Variants in PACRGL observed in about 807,000 individuals in gnomAD.
PACRGL encodes parkin coregulated like, also known as PACRG-like protein.
PACRGL carries 38 observed loss-of-function variants against 34.5 expected under a neutral mutation model. That is an observed-to-expected ratio of 1.10 (90% CI 0.85 to 1.44). The LOEUF (loss-of-function observed/expected upper bound fraction) is 1.44. PACRGL is among the 40% of genes most tolerant of loss of function. The pLI, the probability that PACRGL is intolerant of heterozygous loss-of-function variation, is 0.00. For synonymous variants in PACRGL, 128 were observed against 100.1 expected (o/e 1.28, Z -1.66); for missense variants, 305 against 281.4 (o/e 1.08, Z -0.60).
intron 5 of PACRGL, among the ~76,000 whole-genome samples, chr4:20,711,936 T>C (rs1272706857): frequency 6.6e-6 from 1 of 152,160 alleles, no homozygotes; most frequent in Non-Finnish European, 1.5e-5. Context: ...TATAAAATAC[T>C]TAAATATGAA....
At chr4:20,743,839 C>T (rs1282889941) in intron 8 of PACRGL, among the ~76,000 whole-genome samples, 2 of 151,596 alleles carry the variant, frequency 1.3e-5, no homozygotes, top group African/African-American at 2.4e-5. Flanking sequence ...AGGCAACCTA[C>T]AAAATGGGAG....
intron 7 of PACRGL, 32 bp downstream of exon 7, chr4:20,713,571 CTG>C: frequency 2.7e-6 from 4 of 1,504,154 alleles, no homozygotes; most frequent in South Asian, 2.3e-5. Flanking sequence ...TAATGATTGA[CTG>C]TATGTATCAT....
At chr4:20,762,681 G>A in the PACRGL span, among the ~76,000 whole-genome samples, 2 of 152,324 alleles carry the variant, frequency 1.3e-5, no homozygotes, top group Admixed American at 6.5e-5. Context: ...TCTTGCTGCT[G>A]TAAAATTAGG....
In PACRGL at chr4:20,728,252, T is replaced by TTAAC. The variant is rs1746582727; in HGVS notation, c.*913_*916dup. The TTAAC allele has an allele frequency of 6.6e-6, 1 of 152,252 alleles. No individual in the cohort carries two copies. The highest frequency in any genetic ancestry group is 2.1e-4 in the South Asian group (1 of 4,838). The allele number at this position is 152,252 out of a possible 1,614,324, so 9.4% of individuals were successfully genotyped here. On this transcript the variant is annotated 3_prime_UTR_variant, in exon 9 of 9. Transcript: ENST00000503585. ...ATTACAACTACCTAAATTTTAGGTG[T>TTAAC]TAACTGTATTTAAGTAAATGTGTTA...
chr4:20,750,356 T>C (rs1753384695), intron 8 of PACRGL, among the ~76,000 whole-genome samples: 2 of 152,148 alleles, frequency 1.3e-5, no homozygotes, highest in Non-Finnish European at 2.9e-5. Context: ...ATTGGGGTCA[T>C]TGGTGACTTG....
At chr4:20,698,648 C>A (rs1731359321), upstream of PACRGL, among the ~76,000 whole-genome samples, 1 of 152,172 alleles carries the variant, frequency 6.6e-6, no homozygotes, top group Non-Finnish European at 1.5e-5. Context: ...GTTTTCTGTT[C>A]ATTTTCTAAA....
At chr4:20,719,492 C>T (rs1247245616) in intron 7 of PACRGL, among the ~76,000 whole-genome samples, 1 of 152,180 alleles carries the variant, frequency 6.6e-6, no homozygotes, top group Non-Finnish European at 1.5e-5. Context: ...CCTCTACACA[C>T]TGCTTTAAAT....
At chr4:20,758,858 G>C in the PACRGL span, 4 of 1,613,168 alleles carry the variant, frequency 2.5e-6, no homozygotes, top group Non-Finnish European at 3.4e-6. Context: ...TCTCTTTGAA[G>C]GTTTCTTCAT....
chr4:20,740,482 TAAGTG>T (rs1750800574), intron 8 of PACRGL, among the ~76,000 whole-genome samples: 2 of 152,140 alleles, frequency 1.3e-5, no homozygotes, highest in African/African-American at 4.8e-5. Flanking sequence ...CTAAGCTTCA[TAAGTG>T]AAGGAGAAAT....
chr4:20,713,121 G>A, intron 6 of PACRGL, 199 bp downstream of exon 6: 1 of 587,370 alleles, frequency 1.7e-6, no homozygotes, highest in South Asian at 3.1e-5. Flanking sequence ...CATCTTTAGA[G>A]GATGTACTAA....
intron 8 of PACRGL, among the ~76,000 whole-genome samples, chr4:20,725,751 A>G (rs1351989679): frequency 6.6e-6 from 1 of 151,886 alleles, no homozygotes; most frequent in Non-Finnish European, 1.5e-5. Flanking sequence ...AATCTCAATG[A>G]GTTGTTTGAT....
At position 20,729,617 on chromosome 4, in the gene PACRGL, A is replaced by ACTATGTG. The variant is rs1428321617; in HGVS notation, c.*2276_*2277insCTATGTG. Reference sequence around the variant, plus strand: ...TGTTTCCTTAAAGTATATAAATGGAATTTAAATGGAATTACAGCATTCAAA... The same window carrying ACTATGTG: ...TGTTTCCTTAAAGTATATAAATGGAACTATGTGTTTAAATGGAATTACAGCATTCAAA... On this transcript the variant is annotated 3_prime_UTR_variant, in exon 9 of 9. Coordinates refer to ENST00000503585, the MANE Select transcript of PACRGL (RefSeq NM_001258345.3). 1 of 69,722 alleles carries ACTATGTG rather than the reference A, an allele frequency of 1.4e-5. No individual in the cohort carries two copies. The highest frequency in any genetic ancestry group is 7.6e-5 in the African/African-American group (1 of 13,192). The allele number at this position is 69,722 out of a possible 1,614,324, so 4.3% of individuals were successfully genotyped here.
chr4:20,711,262 G>A (rs753397875), intron 5 of PACRGL, among the ~76,000 whole-genome samples: 1 of 151,772 alleles, frequency 6.6e-6, no homozygotes, highest in Non-Finnish European at 1.5e-5. Context: ...ATCCTTAAAG[G>A]GACTCTAACT....
rs149563368 is a variant in PACRGL at position 20,744,761 on chromosome 4, GAAT to G, written c.*57-7792_*57-7790del. On this transcript the variant is annotated intron_variant, in intron 8 of 8. Transcript: ENST00000507634. ...TTGCACATGTACCCTAGAACTTAAA[GAAT>G]AATAATAATAAAAATATAAAATAAA... 5.4e-3 allele frequency among the ~76,000 whole-genome samples: 811 copies of G among 150,254 alleles called. 21 individuals are homozygous for G. In the East Asian group the frequency reaches 0.096, roughly 18 times the overall value.
chr4:20,704,210 T>G (rs769086001), intron 1 of PACRGL, among the ~76,000 whole-genome samples: 2 of 152,222 alleles, frequency 1.3e-5, no homozygotes, highest in Admixed American at 6.5e-5. Flanking sequence ...ACAGTTTATT[T>G]TGACAATTTG....
At position 20,728,949 on chromosome 4, in the gene PACRGL, T is replaced by TAAATCATACTG. The variant is rs1746919251; in HGVS notation, c.*1609_*1619dup. ...AAAAATAATCTGAATTATGATGAGC[T>TAAATCATACTG]AAATCATACTGTAATCTGGATTAGT... On this transcript the variant is annotated 3_prime_UTR_variant, in exon 9 of 9. Transcript: ENST00000503585. 6.6e-6 allele frequency: 1 copy of TAAATCATACTG among 152,130 alleles called. No individual in the cohort carries two copies. The allele number at this position is 152,130 out of a possible 1,614,324, so 9.4% of individuals were successfully genotyped here.
At chr4:20,766,492 G>A in the PACRGL span, among the ~76,000 whole-genome samples, 1 of 152,124 alleles carries the variant, frequency 6.6e-6, no homozygotes, top group East Asian at 1.9e-4. Context: ...CTTGAATCTG[G>A]GAGATGGAGG....
At chr4:20,697,433 C>T (rs1179490388), upstream of PACRGL, among the ~76,000 whole-genome samples, 4 of 152,032 alleles carry the variant, frequency 2.6e-5, no homozygotes, top group East Asian at 5.8e-4. Flanking sequence ...GAAAAAAAAT[C>T]GTCCTGAGTG....
chr4:20,721,385 G>A (rs1176354487), intron 7 of PACRGL, among the ~76,000 whole-genome samples: 2 of 152,168 alleles, frequency 1.3e-5, no homozygotes, highest in Non-Finnish European at 2.9e-5. Context: ...TGTTCCTTTG[G>A]AGGGGGAGAG....
Sources: gnomAD v4.1 joint callset for allele counts (sites outside exome capture counted in the v4.1 genomes callset) on GRCh38, gnomAD v4.1.1 for gene constraint, MANE v1.5 for transcripts, NCBI Gene and HGNC (gene_info 2026-07-23, HGNC 2026-07-21) for gene names.